TPST1: variants seen among roughly 807,000 people sequenced by gnomAD.
The protein encoded by TPST1 is tyrosylprotein sulfotransferase 1.
In TPST1, 20 loss-of-function variants were observed where a neutral mutation model predicts 34.8. That is an observed-to-expected ratio of 0.57 (90% CI 0.40 to 0.84). TPST1 has a LOEUF of 0.84. TPST1 is among the 40% of genes least tolerant of loss of function. The pLI is 0.00. For synonymous variants in TPST1, 152 were observed against 159.4 expected, an observed-to-expected ratio of 0.95 and a Z score of 0.35; for missense variants, 353 against 455.5, an observed-to-expected ratio of 0.78 and a Z score of 2.05.
chr7:66,294,035 A>C (rs1046403477), intron 3 of TPST1, among the ~76,000 whole-genome samples: 1 of 152,208 alleles, frequency 6.6e-6, no homozygotes, highest in Non-Finnish European at 1.5e-5. Context: ...TATATTTAAC[A>C]TAAAATTTAC....
chr7:66,352,700 G>GT, intron 4 of TPST1, 145 bp downstream of exon 4: 1 of 1,485,282 alleles, frequency 6.7e-7, no homozygotes, highest in Non-Finnish European at 8.9e-7. Context: ...ATGTGCTGGG[G>GT]AAGAAAGATC....
rs554621943 is a variant in TPST1, at chr7:66,331,154, G to A, written c.1045-21351G>A. Among the ~76,000 whole-genome samples, 87 of 152,244 alleles carry A rather than the reference G, an allele frequency of 5.7e-4. 1 individual carries two copies. In the South Asian group the frequency reaches 0.012, roughly 22 times the overall value. ...ATTTGCCACATGAGCCTCTGTCTAC[G>A]GCAGTTGACAACATGCAGCTGGCCT... On this transcript the variant is annotated intron_variant, in intron 3 of 5. Transcript: ENST00000304842.
In TPST1 at chr7:66,207,916, A is replaced by T. The variant is rs746326207; in HGVS notation, c.-102+2394A>T. ...CTTTTCTCCTCACATTAAGTCTAGC[A>T]TAGATCCTATTGTTGTTGCTACCTC... is the stretch of plus-strand genomic sequence containing the variant. On this transcript the variant is annotated intron_variant, in intron 1 of 5. Coordinates refer to ENST00000304842, the MANE Select transcript of TPST1 (RefSeq NM_003596.4). 2.0e-5 allele frequency among the ~76,000 whole-genome samples: 3 copies of T among 152,134 alleles called. No individual in the cohort carries two copies. The South Asian group carries it at 6.2e-4, about 31-fold the overall frequency.
chr7:66,247,116 T>C (rs1790165465), intron 2 of TPST1, among the ~76,000 whole-genome samples: 1 of 152,142 alleles, frequency 6.6e-6, no homozygotes, highest in African/African-American at 2.4e-5. Flanking sequence ...TGCTTCTTCA[T>C]TGGTGAATAA....
rs1790006482 is a variant in TPST1, at chr7:66,240,463, G to A, written c.38G>A (p.Cys13Tyr). ...GKLKQNLLLA[C>Y]LVISSVTVFY... ...CTGAAGCAGAACTTACTATTGGCAT[G>A]TCTGGTGATTAGTTCTGTGACTGTG... Residue 13 changes from cysteine to tyrosine, a missense_variant, in exon 2 of 6, where the codon TGT (cysteine) becomes TAT (tyrosine). Cys to Tyr is a radical substitution (Grantham distance 194, BLOSUM62 -2). Coordinates refer to ENST00000304842, the MANE Select transcript of TPST1 (RefSeq NM_003596.4). 1.2e-6 allele frequency: 2 copies of A among 1,614,152 alleles called. No individual in the cohort carries two copies. The highest frequency in any genetic ancestry group is 1.1e-5 in the South Asian group (1 of 91,086).
chr7:66,312,589 A>G (rs1268176567), intron 3 of TPST1, among the ~76,000 whole-genome samples: 1 of 152,176 alleles, frequency 6.6e-6, no homozygotes, highest in East Asian at 1.9e-4. Context: ...CGTTAATTTA[A>G]AAAATCCCTT....
chr7:66,258,340 C>G (rs928152956), intron 2 of TPST1, among the ~76,000 whole-genome samples: 1 of 152,116 alleles, frequency 6.6e-6, no homozygotes, highest in Non-Finnish European at 1.5e-5. Context: ...AGGTTCTAAA[C>G]CACAAGTTTT....
At chr7:66,320,231 CT>C (rs1562843266) in intron 3 of TPST1, among the ~76,000 whole-genome samples, 1 of 145,252 alleles carries the variant, frequency 6.9e-6, no homozygotes, top group Non-Finnish European at 1.5e-5. Flanking sequence ...TTCTTTCTTT[CT>C]TTTTTTCTTT....
chr7:66,286,466 T>TA, intron 2 of TPST1, 45 bp from the exon 3 acceptor site: 7 of 1,375,222 alleles, frequency 5.1e-6, no homozygotes, highest in Non-Finnish European at 6.6e-6. Context: ...CATGATTTTC[T>TA]AAAAAATTTT....
In TPST1 at chr7:66,322,209, G is replaced by T. The variant is rs974882804; in HGVS notation, c.1045-30296G>T. ...TGCTTTACCTTTCTCTTTTAGATCTGTAACCTGCCTGGAATTGATTTCTTT... is the reference window on the plus strand; with the variant it reads ...TGCTTTACCTTTCTCTTTTAGATCTTTAACCTGCCTGGAATTGATTTCTTT... On this transcript the variant is annotated intron_variant, in intron 3 of 5. Transcript: ENST00000304842. Among the ~76,000 whole-genome samples, 4 of 152,134 alleles carry T rather than the reference G, an allele frequency of 2.6e-5. No individual in the cohort carries two copies. The East Asian group carries it at 7.7e-4, about 29-fold the overall frequency.
At chr7:66,312,444 A>C (rs1189567248) in intron 3 of TPST1, among the ~76,000 whole-genome samples, 1 of 152,228 alleles carries the variant, frequency 6.6e-6, no homozygotes, top group Admixed American at 6.5e-5. Context: ...ATAATAAATC[A>C]GTATTAGAAG....
intron 2 of TPST1, among the ~76,000 whole-genome samples, chr7:66,241,554 G>C (rs889646661): frequency 1.3e-5 from 2 of 152,036 alleles, no homozygotes; most frequent in African/African-American, 4.8e-5. Context: ...CCTTACAGGC[G>C]GTGAAAAGCC....
chr7:66,324,310 G>C (rs1791817364), intron 3 of TPST1, among the ~76,000 whole-genome samples: 2 of 152,188 alleles, frequency 1.3e-5, no homozygotes, highest in Admixed American at 1.3e-4. Context: ...ATTATGACTA[G>C]AAGGAGGGAC....
intron 1 of TPST1, among the ~76,000 whole-genome samples, chr7:66,227,129 G>T (rs1011035252): frequency 2.2e-5 from 3 of 134,678 alleles, no homozygotes; most frequent in Non-Finnish European, 4.6e-5. Context: ...CGCCTCCTGG[G>T]TTCAAGCAAT....
chr7:66,298,808 G>C (rs1035529066), intron 3 of TPST1, among the ~76,000 whole-genome samples: 1 of 151,968 alleles, frequency 6.6e-6, no homozygotes. Context: ...GACATGGGCT[G>C]CACATTTTTT....
rs147840712 is a variant in TPST1 at position 66,310,008 on chromosome 7, G to C, written c.1044+23299G>C. Among the ~76,000 whole-genome samples the C allele has an allele frequency of 1.8e-3, 278 of 152,300 alleles. 1 individual carries two copies. Among genetic ancestry groups the C allele is most frequent in the African/African-American group, 6.3e-3 (263 of 41,566 alleles). On this transcript the variant is annotated intron_variant, in intron 3 of 5. Transcript: ENST00000304842. ...GATCATGGCCAAACAAGTTATGGTG[G>C]CAAAACAGGTTATGGGAGGAAGAGA...
At chr7:66,352,372 A>T in intron 3 of TPST1, 133 bp from the exon 4 acceptor site, 1 of 1,492,908 alleles carries the variant, frequency 6.7e-7, no homozygotes, top group Non-Finnish European at 8.9e-7. Context: ...TCTTGAACTG[A>T]CAGGCTTCTT....
At chr7:66,259,935 CT>C (rs1790453673) in intron 2 of TPST1, among the ~76,000 whole-genome samples, 1 of 152,180 alleles carries the variant, frequency 6.6e-6, no homozygotes. Flanking sequence ...TTTTCAGCCC[CT>C]TGGCAACCAC....
chr7:66,210,522 A>G (rs1789221420), intron 1 of TPST1, among the ~76,000 whole-genome samples: 1 of 152,188 alleles, frequency 6.6e-6, no homozygotes. Flanking sequence ...GGGATTCTGT[A>G]TCATTTGGTC....
Sources: gnomAD v4.1 joint callset for allele counts (sites outside exome capture counted in the v4.1 genomes callset) on GRCh38, gnomAD v4.1.1 for gene constraint, MANE v1.5 for transcripts, NCBI Gene and HGNC (gene_info 2026-07-23, HGNC 2026-07-21) for gene names.